The following PDZRN4 variants were observed in gnomAD, a reference collection of about 807,000 sequenced individuals.
PDZRN4 encodes PDZ domain containing ring finger 4.
PDZRN4 carries 70 observed loss-of-function variants against 99.0 expected under a neutral mutation model. That is an observed-to-expected ratio of 0.71 (90% CI 0.58 to 0.86). The LOEUF is 0.86. Among genes scored for constraint, PDZRN4 ranks in the 40% least tolerant of loss-of-function variants. The pLI, the probability that PDZRN4 is intolerant of heterozygous loss-of-function variation, is 0.00. For synonymous variants in PDZRN4, 551 were observed against 501.6 expected (o/e 1.10, Z -1.32); for missense variants, 1,474 against 1,331.2 (o/e 1.11, Z -1.67).
intron 3 of PDZRN4, among the ~76,000 whole-genome samples, chr12:41,235,824 C>G (rs2120769029): frequency 6.6e-6 from 1 of 152,248 alleles, no homozygotes; most frequent in East Asian, 1.9e-4. Context: ...CACAGGCACA[C>G]CAAAAATATT....
intron 3 of PDZRN4, among the ~76,000 whole-genome samples, chr12:41,217,234 A>G (rs1950927172): frequency 1.3e-5 from 2 of 152,026 alleles, no homozygotes; most frequent in South Asian, 4.1e-4. Flanking sequence ...TCAATGAACC[A>G]TTTTGTCTTT....
At chr12:41,416,848 A>G (rs1952449560) in intron 3 of PDZRN4, among the ~76,000 whole-genome samples, 1 of 152,214 alleles carries the variant, frequency 6.6e-6, no homozygotes, top group Admixed American at 6.5e-5. Flanking sequence ...TAGATACTGC[A>G]GCAGGGTACT....
intron 7 of PDZRN4, among the ~76,000 whole-genome samples, chr12:41,561,639 G>A (rs930286902): frequency 1.3e-5 from 2 of 148,872 alleles, no homozygotes; most frequent in East Asian, 3.9e-4. Context: ...ACAGTCAAGT[G>A]GAGACCAGGA....
intron 6 of PDZRN4, among the ~76,000 whole-genome samples, chr12:41,553,037 T>A (rs892346739): frequency 2.0e-5 from 3 of 152,232 alleles, no homozygotes; most frequent in Admixed American, 1.3e-4. Context: ...CCCATAAGAA[T>A]GCAGCAAGTC....
At chr12:41,552,544 G>C in intron 5 of PDZRN4, 112 bp from the exon 6 acceptor site, 1 of 681,568 alleles carries the variant, frequency 1.5e-6, no homozygotes, top group Non-Finnish European at 2.4e-6. Flanking sequence ...CCAATGTTGG[G>C]CAATAATTAT....
chr12:41,555,768 G>T lies in PDZRN4; in HGVS notation c.1365+8G>T, dbSNP rs1939149361. On this transcript the variant is annotated splice_region_variant and intron_variant, in intron 7 of 9. Transcript: ENST00000402685. ...GGGGATCGGATTTTGCAAGTAGGTG[G>T]TATAGTAATTTCCTTTAGTTCCCCA... The T allele has an allele frequency of 4.3e-6, 7 of 1,610,734 alleles. No homozygotes were observed. The highest frequency in any genetic ancestry group is 5.9e-6 in the Non-Finnish European group (7 of 1,177,086).
chr12:41,241,882 T>C (rs1951104034), intron 3 of PDZRN4, among the ~76,000 whole-genome samples: 1 of 152,224 alleles, frequency 6.6e-6, no homozygotes, highest in Non-Finnish European at 1.5e-5. Context: ...ACTAAGTCTG[T>C]CAGAACTTTC....
intron 3 of PDZRN4, among the ~76,000 whole-genome samples, chr12:41,271,552 T>G (rs987747112): frequency 3.9e-5 from 6 of 152,178 alleles, no homozygotes; most frequent in Non-Finnish European, 7.4e-5. Context: ...GCTAGCCTCC[T>G]GGCCCTAACT....
intron 3 of PDZRN4, among the ~76,000 whole-genome samples, chr12:41,441,780 A>G (rs1952682868): frequency 6.6e-6 from 1 of 152,020 alleles, no homozygotes; most frequent in African/African-American, 2.4e-5. Context: ...CATGTTCCTT[A>G]GCGCCAGTGA....
intron 3 of PDZRN4, among the ~76,000 whole-genome samples, chr12:41,209,980 C>T (rs1315468285): frequency 6.6e-6 from 1 of 151,340 alleles, no homozygotes; most frequent in Admixed American, 6.6e-5. Context: ...AAAAGTGTTC[C>T]TATTTCTCCA....
chr12:41,244,207 C>T (rs986956570), intron 3 of PDZRN4, among the ~76,000 whole-genome samples: 1 of 152,100 alleles, frequency 6.6e-6, no homozygotes, highest in Non-Finnish European at 1.5e-5. Context: ...TTAGGCCAAA[C>T]CCTCAGAGTC....
chr12:41,461,803 ACT>A (rs1952876067), intron 3 of PDZRN4, among the ~76,000 whole-genome samples: 1 of 151,484 alleles, frequency 6.6e-6, no homozygotes, highest in African/African-American at 2.4e-5. Flanking sequence ...ATTGTTTGAA[ACT>A]CTCTTATTGA....
intron 3 of PDZRN4, among the ~76,000 whole-genome samples, chr12:41,248,482 T>G (rs886738344): frequency 6.6e-6 from 1 of 151,144 alleles, no homozygotes; most frequent in African/African-American, 2.4e-5. Context: ...AATGACTAAA[T>G]CCAGTAAGTT....
chr12:41,215,823 A>G (rs950080627), intron 3 of PDZRN4, among the ~76,000 whole-genome samples: 17 of 149,094 alleles, frequency 1.1e-4, no homozygotes, highest in Non-Finnish European at 2.2e-4. Flanking sequence ...TCTTTGAAAA[A>G]GCCTCATAAA....
intron 3 of PDZRN4, among the ~76,000 whole-genome samples, chr12:41,353,634 G>C (rs1294133212): frequency 2.6e-5 from 4 of 152,010 alleles, no homozygotes; most frequent in South Asian, 2.1e-4. Context: ...CACTGGTGAG[G>C]AGGTGTGGCA....
At chr12:41,224,182 G>A (rs1431608800) in intron 3 of PDZRN4, among the ~76,000 whole-genome samples, 3 of 152,178 alleles carry the variant, frequency 2.0e-5, no homozygotes, top group Non-Finnish European at 4.4e-5. Flanking sequence ...TTTAATGAAA[G>A]CTCACTACTT....
At position 41,403,179 on chromosome 12, in the gene PDZRN4, T is replaced by A. The variant is rs1952316323; in HGVS notation, c.844-103277T>A. Among the ~76,000 whole-genome samples the A allele has an allele frequency of 2.6e-5, 4 of 152,128 alleles. No homozygotes were observed. In the South Asian group the frequency reaches 8.3e-4, roughly 32 times the overall value. On this transcript the variant is annotated intron_variant, in intron 3 of 9. Coordinates refer to ENST00000402685, the MANE Select transcript of PDZRN4 (RefSeq NM_001164595.2). Reference sequence around the variant, plus strand: ...CCAGCGATGTGATGAGAACTTGTGATTCCCCCCACACATTTAATACTGAGC... The same window carrying A: ...CCAGCGATGTGATGAGAACTTGTGAATCCCCCCACACATTTAATACTGAGC...
intron 3 of PDZRN4, among the ~76,000 whole-genome samples, chr12:41,459,193 G>C (rs1037107189): frequency 6.6e-6 from 1 of 152,140 alleles, no homozygotes; most frequent in Non-Finnish European, 1.5e-5. Flanking sequence ...TGATTTGTCT[G>C]TATTTATTAC....
chr12:41,279,463 T>C (rs1381378993), intron 3 of PDZRN4, among the ~76,000 whole-genome samples: 1 of 152,194 alleles, frequency 6.6e-6, no homozygotes, highest in Non-Finnish European at 1.5e-5. Context: ...AAAATGATGG[T>C]CGTGGTATTT....
Sources: gnomAD v4.1 joint callset for allele counts (sites outside exome capture counted in the v4.1 genomes callset) on GRCh38, gnomAD v4.1.1 for gene constraint, MANE v1.5 for transcripts, NCBI Gene and HGNC (gene_info 2026-07-23, HGNC 2026-07-21) for gene names.